Variants in TXNDC9 observed in about 807,000 individuals in gnomAD.
TXNDC9 encodes the protein thioredoxin domain-containing protein 9.
In TXNDC9, 7 loss-of-function variants were observed where a neutral mutation model predicts 23.0. That is an observed-to-expected ratio of 0.30 (90% CI 0.17 to 0.57). The LOEUF (loss-of-function observed/expected upper bound fraction) is 0.57. TXNDC9 is among the 20% of genes least tolerant of loss of function. The pLI is 0.90. For missense variants in TXNDC9, 198 were observed against 252.6 expected (o/e 0.78, Z 1.47); for synonymous variants, 72 against 90.6 (o/e 0.79, Z 1.17).
At chr2:99,333,627 C>T (rs1424861046) in intron 1 of TXNDC9, among the ~76,000 whole-genome samples, 2 of 152,204 alleles carry the variant, frequency 1.3e-5, no homozygotes, top group Non-Finnish European at 2.9e-5. Context: ...GAAACAACTG[C>T]GAACAATAGG....
chr2:99,322,017 T>C lies in TXNDC9; in HGVS notation c.501A>G (p.Thr167=), dbSNP rs201700199. Residue 167 remains threonine, a synonymous_variant, in exon 4 of 5, where the codon ACA becomes ACG. Transcript: ENST00000264255. ...CTAAAGTTTCTGTGGTGAAGTCATC[T>C]GTATTTCCTAGGTCAGTAAACCCAA... The part of the protein sequence containing the change: ...YVVGFTDLGN[T]DDFTTETLEW... The C allele has an allele frequency of 6.2e-6, 10 of 1,614,154 alleles. No homozygotes were observed. In the African/African-American group the frequency reaches 1.1e-4, roughly 17 times the overall value.
chr2:99,314,047 C>T (rs4851202), downstream of TXNDC9, among the ~76,000 whole-genome samples: 140,989 of 152,264 alleles, frequency 0.93, 65,547 homozygotes, highest in Middle Eastern at 1. Flanking sequence ...TCATATCATA[C>T]TGTGATAAAG....
At chr2:99,322,547 C>T (rs1389882349) in intron 3 of TXNDC9, 5 of 1,497,114 alleles carry the variant, frequency 3.3e-6, no homozygotes, top group East Asian at 2.5e-5. Flanking sequence ...TGACAAAACT[C>T]GGAAGAGACT....
At chr2:99,314,529 C>T (rs1009759858), downstream of TXNDC9, among the ~76,000 whole-genome samples, 315 of 97,414 alleles carry the variant, frequency 3.2e-3, 5 homozygotes, top group African/African-American at 0.012. Flanking sequence ...AATACTACAC[C>T]TTTTTTTTTT....
intron 2 of TXNDC9, among the ~76,000 whole-genome samples, chr2:99,328,759 T>C (rs965015719): frequency 6.6e-6 from 1 of 151,672 alleles, no homozygotes; most frequent in Admixed American, 6.6e-5. Flanking sequence ...CTGGATCACC[T>C]GAGGTCAGGA....
chr2:99,322,560 C>A (rs140480149), intron 3 of TXNDC9: 15 of 1,510,338 alleles, frequency 9.9e-6, no homozygotes, highest in South Asian at 1.3e-5. Flanking sequence ...AAGAGACTTA[C>A]AAGAATCAGA....
At chr2:99,327,031 G>A (rs1425593837) in intron 3 of TXNDC9, among the ~76,000 whole-genome samples, 5 of 152,154 alleles carry the variant, frequency 3.3e-5, no homozygotes, top group Non-Finnish European at 7.4e-5. Flanking sequence ...ACTTTTGCAT[G>A]TAACTGTTCT....
At position 99,319,726 on chromosome 2, in the gene TXNDC9, T is replaced by G. The variant is rs1213875510; in HGVS notation, c.637A>C (p.Thr213Pro). 3 of 1,607,550 alleles carry G rather than the reference T, an allele frequency of 1.9e-6. No individual in the cohort carries two copies. Among genetic ancestry groups the G allele is most frequent in the Middle Eastern group, 1.7e-4 (1 of 6,040 alleles). The change falls in exon 5 of 5, where the codon ACT (threonine) becomes CCT (proline). Residue 213 changes from threonine (T) to proline (P), a missense_variant. Thr to Pro is a conservative substitution (Grantham distance 38, BLOSUM62 -1). Coordinates refer to ENST00000264255, the MANE Select transcript of TXNDC9 (RefSeq NM_005783.4). ...GTNFTKLEKK[T>P]IRGKKYDSDS... The stretch of plus-strand genomic sequence containing the variant: ...GAATCATATTTCTTTCCTCGGATAG[T>G]TTTCTTTTCCAGCTTTGTGAAGTTT...
At chr2:99,332,867 T>A (rs560617008) in intron 2 of TXNDC9, 155 bp downstream of exon 2, 1 of 630,708 alleles carries the variant, frequency 1.6e-6, no homozygotes, top group East Asian at 2.8e-5. Context: ...TTAAAACATA[T>A]TTTTTTCTGG....
At chr2:99,335,239 C>T (rs1043908099) in intron 1 of TXNDC9, among the ~76,000 whole-genome samples, 10 of 152,320 alleles carry the variant, frequency 6.6e-5, no homozygotes, top group African/African-American at 2.2e-4. Flanking sequence ...ATTCACTCAG[C>T]TTCTGACACA....
At chr2:99,328,900 A>G (rs2094218914) in intron 2 of TXNDC9, among the ~76,000 whole-genome samples, 1 of 151,990 alleles carries the variant, frequency 6.6e-6, no homozygotes, top group South Asian at 2.1e-4. Context: ...GAGGCAGGAG[A>G]ATTGCTTGAA....
intron 2 of TXNDC9, among the ~76,000 whole-genome samples, chr2:99,328,930 A>G (rs2094218979): frequency 6.6e-6 from 1 of 152,164 alleles, no homozygotes; most frequent in Admixed American, 6.5e-5. Flanking sequence ...CAGAGGTTGC[A>G]GTGAGCTGAG....
chr2:99,311,163 C>T, the TXNDC9 span, among the ~76,000 whole-genome samples: 1 of 152,096 alleles, frequency 6.6e-6, no homozygotes, highest in Non-Finnish European at 1.5e-5. Context: ...GTAGCTGGGA[C>T]TACAGGTGTG....
In TXNDC9 at chr2:99,336,324, C is replaced by T. The variant is rs1000897685; in HGVS notation, c.-118G>A. ...CCGGCTTTTGCCTTGCAGTAGCTGC[C>T]GGCGGCTGCAAACGGGCCGTCACAT... On this transcript the variant is annotated 5_prime_UTR_variant, in exon 1 of 5. Coordinates refer to ENST00000264255, the MANE Select transcript of TXNDC9 (RefSeq NM_005783.4). 1.5e-5 allele frequency: 15 copies of T among 985,364 alleles called. No homozygotes were observed. Among genetic ancestry groups the T allele is most frequent in the East Asian group, 2.3e-4 (2 of 8,822 alleles). The allele number at this position is 985,364 out of a possible 1,614,324, so 61.0% of individuals were successfully genotyped here. A position where few individuals can be genotyped will look rare whatever the true frequency, so the allele number is the denominator to read the frequency against.
the TXNDC9 span, among the ~76,000 whole-genome samples, chr2:99,308,189 G>A: frequency 6.6e-5 from 10 of 152,070 alleles, no homozygotes; most frequent in African/African-American, 1.4e-4. Context: ...CACAGAGGAC[G>A]CACTGAGAGA....
chr2:99,316,266 C>T (rs1010751139), downstream of TXNDC9, among the ~76,000 whole-genome samples: 1 of 152,078 alleles, frequency 6.6e-6, no homozygotes, highest in Admixed American at 6.6e-5. Context: ...GCCTCAAACT[C>T]CTGGGCTCAA....
At chr2:99,307,116 C>T in the TXNDC9 span, among the ~76,000 whole-genome samples, 1 of 121,226 alleles carries the variant, frequency 8.2e-6, no homozygotes, top group Non-Finnish European at 1.9e-5. Flanking sequence ...CTCACTCTCT[C>T]TCTCTTTCTC....
downstream of TXNDC9, among the ~76,000 whole-genome samples, chr2:99,314,895 A>ATTTTTTTT (rs56288449): frequency 1.9e-5 from 2 of 106,890 alleles, 1 homozygote; most frequent in Non-Finnish European, 3.7e-5. Flanking sequence ...TCCTTTACTC[A>ATTTTTTTT]TTTTTTTTTT....
rs551708625 is a variant in TXNDC9 at position 99,335,273 on chromosome 2, T to C, written c.-33+966A>G. Reference sequence around the variant, plus strand: ...CAGATTCTGACCCACACAGGCCCTCTATAAACGTTGAGCTGAAGAGAAATA... The same window carrying C: ...CAGATTCTGACCCACACAGGCCCTCCATAAACGTTGAGCTGAAGAGAAATA... On this transcript the variant is annotated intron_variant, in intron 1 of 4. Coordinates refer to ENST00000264255, the MANE Select transcript of TXNDC9 (RefSeq NM_005783.4). Among the ~76,000 whole-genome samples, 39 of 152,342 alleles carry C rather than the reference T, an allele frequency of 2.6e-4. 1 individual carries two copies. In the South Asian group the frequency reaches 8.1e-3, roughly 32 times the overall value.
Sources: allele counts gnomAD v4.1 joint callset (sites outside exome capture counted in the v4.1 genomes callset), GRCh38; gene constraint gnomAD v4.1.1; transcripts MANE v1.5; gene names NCBI Gene and HGNC (gene_info 2026-07-23, HGNC 2026-07-21).